RIC3: variants seen among roughly 807,000 people sequenced by gnomAD.
RIC3 encodes protein RIC-3.
A neutral mutation model predicts 27.3 loss-of-function variants in RIC3; 28 were observed. The ratio of observed to expected loss-of-function variants is 1.02; its 90% CI spans 0.76 to 1.41. The LOEUF (loss-of-function observed/expected upper bound fraction) is 1.41. Ranked by LOEUF, RIC3 falls within the 40% of genes most tolerant of loss-of-function variation. RIC3 has a pLI of 0.00. For missense variants in RIC3, 501 were observed against 444.7 expected, an observed-to-expected ratio of 1.13 and a Z score of -1.14; for synonymous variants, 184 against 160.4, an observed-to-expected ratio of 1.15 and a Z score of -1.11.
At chr11:8,127,383 A>G (rs999916512) in intron 4 of RIC3, among the ~76,000 whole-genome samples, 2 of 152,200 alleles carry the variant, frequency 1.3e-5, no homozygotes, top group African/African-American at 4.8e-5. Context: ...TGGGGTCCAC[A>G]GAGGAGAAAT....
In RIC3 at chr11:8,137,384, C is replaced by G. The variant is rs112426415; in HGVS notation, c.515G>C (p.Gly172Ala). The change falls in exon 4 of 6, where the codon GGT becomes GCT. Residue 172 changes from glycine to alanine, a missense_variant. Physicochemically the swap from Gly to Ala is moderately conservative, Grantham distance 60 (BLOSUM62 0). Coordinates refer to ENST00000309737, the MANE Select transcript of RIC3 (RefSeq NM_001206671.4). The part of the protein sequence containing the change: ...EKLINRVGPN[G>A]ESRAQTVTSD... ...CCGTTACATGAAAACCTACCTCTCA[C>G]CATTAGGTCCCACTCTGTTGATTAA... is the stretch of plus-strand genomic sequence containing the variant. 16 of 1,613,236 alleles carry G rather than the reference C, an allele frequency of 9.9e-6. No homozygotes were observed. In the African/African-American group the frequency reaches 1.9e-4, roughly 19 times the overall value.
intron 2 of RIC3, chr11:8,138,927 C>A: frequency 6.2e-6 from 1 of 162,064 alleles, no homozygotes; most frequent in Non-Finnish European, 1.3e-5. Flanking sequence ...CCCGTTCCAG[C>A]CAATGGAAAC....
At chr11:8,099,236 G>C in the RIC3 span, among the ~76,000 whole-genome samples, 8 of 152,120 alleles carry the variant, frequency 5.3e-5, no homozygotes, top group Admixed American at 5.2e-4. Flanking sequence ...ACGGCACTTT[G>C]TCATCTCACT....
the RIC3 span, among the ~76,000 whole-genome samples, chr11:8,094,992 C>T: frequency 2.6e-5 from 4 of 152,184 alleles, no homozygotes; most frequent in Admixed American, 6.5e-5. Flanking sequence ...GGGAGATGCT[C>T]CATTTGGGAA....
chr11:8,120,991 G>C (rs960311838), intron 5 of RIC3, among the ~76,000 whole-genome samples: 2 of 152,004 alleles, frequency 1.3e-5, no homozygotes, highest in African/African-American at 4.8e-5. Context: ...AAAATATAAA[G>C]GTATTCTTGA....
At chr11:8,122,088 T>G (rs1004000098) in intron 5 of RIC3, among the ~76,000 whole-genome samples, 1 of 152,166 alleles carries the variant, frequency 6.6e-6, no homozygotes, top group Admixed American at 6.5e-5. Flanking sequence ...AGAAATCCCA[T>G]GTACCCTTTA....
downstream of RIC3, chr11:8,101,858 C>CAACCA: frequency 2.1e-6 from 1 of 479,318 alleles, no homozygotes; most frequent in Non-Finnish European, 3.4e-6. Context: ...CTTTCCATGC[C>CAACCA]ACGAGATCAA....
chr11:8,121,830 T>A (rs1430772506), intron 5 of RIC3, among the ~76,000 whole-genome samples: 1 of 152,234 alleles, frequency 6.6e-6, no homozygotes, highest in Non-Finnish European at 1.5e-5. Context: ...GGTAAAAGTT[T>A]TATGTATTTA....
At position 8,107,717 on chromosome 11, in the gene RIC3, T is replaced by C. The variant is rs879752390; in HGVS notation, c.*2981A>G. ...AGATAATGGTTTCTTTGTGCTCCTG[T>C]TGTGACCAGGAAAGGGGATCTCCTG... On this transcript the variant is annotated 3_prime_UTR_variant, in exon 6 of 6. Coordinates refer to ENST00000309737, the MANE Select transcript of RIC3 (RefSeq NM_001206671.4). The C allele has an allele frequency of 6.6e-6, 1 of 152,206 alleles. No individual in the cohort carries two copies. Among genetic ancestry groups the C allele is most frequent in the Non-Finnish European group, 1.5e-5 (1 of 68,056 alleles). 9.4% of individuals were successfully genotyped at this position (152,206 alleles called of 1,614,324 possible).
chr11:8,139,135 A>G (rs1021693398), intron 2 of RIC3: 1 of 152,312 alleles, frequency 6.6e-6, no homozygotes, highest in Non-Finnish European at 1.5e-5. Flanking sequence ...CACAAGGGAA[A>G]AAAAATCTCC....
intron 4 of RIC3, among the ~76,000 whole-genome samples, chr11:8,134,143 C>CA (rs1948079983): frequency 2.0e-5 from 3 of 152,106 alleles, no homozygotes; most frequent in Admixed American, 2.0e-4. Context: ...TATCCCTCCC[C>CA]ACTCCCCTCA....
At chr11:8,111,200 G>C in intron 5 of RIC3, 63 bp from the exon 6 acceptor site, 2 of 1,161,442 alleles carry the variant, frequency 1.7e-6, no homozygotes, top group South Asian at 3.1e-5. Flanking sequence ...AAAAAATAGT[G>C]TCAGGTTCAA....
At position 8,151,604 on chromosome 11, in the gene RIC3, A is replaced by C. The variant is rs550118325; in HGVS notation, c.125-11411T>G. ...CCGTCTCAAAAAAAAAAAAAAGACA[A>C]ATAAACCAAGTAAAAATAAACAACT... On this transcript the variant is annotated intron_variant, in intron 1 of 5. Transcript: ENST00000309737. Among the ~76,000 whole-genome samples the C allele has an allele frequency of 1.2e-4, 17 of 146,918 alleles. No individual in the cohort carries two copies. In the South Asian group the frequency reaches 3.5e-3, roughly 30 times the overall value.
Position 8,126,925 on chromosome 11 carries a change from A to C in RIC3, c.522-118T>G, listed in dbSNP as rs760928473. ...GAAAGTGCAATTGCAGCAGATAATT[A>C]TTCTAGGAATTGATCCTCCAACTGC... On this transcript the variant is annotated intron_variant, in intron 4 of 5. Transcript: ENST00000309737. 6.9e-6 allele frequency: 8 copies of C among 1,153,614 alleles called. No individual in the cohort carries two copies. The Admixed American group carries it at 9.4e-5, about 14-fold the overall frequency. The allele number at this position is 1,153,614 out of a possible 1,614,324, so 71.5% of individuals were successfully genotyped here.
At chr11:8,134,529 T>G (rs1387285629) in intron 4 of RIC3, among the ~76,000 whole-genome samples, 18 of 152,186 alleles carry the variant, frequency 1.2e-4, no homozygotes, top group Admixed American at 1.2e-3. Context: ...CATGGCTGGG[T>G]CAAATGGTAT....
chr11:8,101,147 T>G, downstream of RIC3: 1 of 1,006,436 alleles, frequency 9.9e-7, no homozygotes. Flanking sequence ...TTTCTAACCC[T>G]AATGACTGGG....
chr11:8,165,601 A>G (rs1359848620), intron 1 of RIC3, among the ~76,000 whole-genome samples: 2 of 151,942 alleles, frequency 1.3e-5, no homozygotes, highest in Non-Finnish European at 2.9e-5. Context: ...ATATTCTAAA[A>G]TTGGTTGTAG....
the RIC3 span, chr11:8,097,135 C>A: frequency 7.1e-6 from 10 of 1,415,140 alleles, no homozygotes; most frequent in Non-Finnish European, 9.8e-6. Flanking sequence ...CTCTCTCCCA[C>A]CGCCACGTTA....
At chr11:8,097,638 T>A in the RIC3 span, 1 of 1,371,048 alleles carries the variant, frequency 7.3e-7, no homozygotes, top group Non-Finnish European at 1.0e-6. Flanking sequence ...ACGGAGAGAG[T>A]CTGTGTGAGT....
Sources: gnomAD v4.1 joint callset for allele counts (sites outside exome capture counted in the v4.1 genomes callset) on GRCh38, gnomAD v4.1.1 for gene constraint, MANE v1.5 for transcripts, NCBI Gene and HGNC (gene_info 2026-07-23, HGNC 2026-07-21) for gene names.